RPS6KC1: variants seen among roughly 807,000 people sequenced by gnomAD.
The protein encoded by RPS6KC1 is inactive ribosomal protein S6 kinase delta-1.
A neutral mutation model predicts 103.8 loss-of-function variants in RPS6KC1; 54 were observed. The ratio of observed to expected loss-of-function variants is 0.52; its 90% CI spans 0.42 to 0.65. The LOEUF (loss-of-function observed/expected upper bound fraction) is 0.65, where lower values mean the gene tolerates loss of function less well. RPS6KC1 is among the 30% of genes least tolerant of loss of function. RPS6KC1 has a pLI of 0.00. For synonymous variants in RPS6KC1, 439 were observed against 438.7 expected (o/e 1.00, Z -0.01); for missense variants, 1,151 against 1,253.8 (o/e 0.92, Z 1.24).
the RPS6KC1 span, among the ~76,000 whole-genome samples, chr1:213,297,590 A>G: frequency 6.6e-6 from 1 of 152,194 alleles, no homozygotes; most frequent in South Asian, 2.1e-4. Context: ...GTAAGTATAC[A>G]TACCTAGAAA....
At chr1:213,190,009 T>C (rs1471901270) in intron 8 of RPS6KC1, among the ~76,000 whole-genome samples, 1 of 152,236 alleles carries the variant, frequency 6.6e-6, no homozygotes, top group African/African-American at 2.4e-5. Context: ...GCCTGAATAG[T>C]ACTTCATTTT....
chr1:213,662,217 T>C, the RPS6KC1 span, among the ~76,000 whole-genome samples: 4 of 67,850 alleles, frequency 5.9e-5, no homozygotes, highest in Non-Finnish European at 1.3e-4. Context: ...GCTTAGCCTG[T>C]GTGCCTAGAA....
the RPS6KC1 span, among the ~76,000 whole-genome samples, chr1:213,374,158 T>C: frequency 3.0e-4 from 45 of 152,356 alleles, no homozygotes; most frequent in East Asian, 6.2e-3. Context: ...ATGTATCAAT[T>C]TCTCTATTTA....
rs549270183 is a variant in RPS6KC1, at chr1:213,184,912, C to A, written c.1044+8420C>A. 2.0e-5 allele frequency among the ~76,000 whole-genome samples: 3 copies of A among 152,192 alleles called. No individual in the cohort carries two copies. In the East Asian group the frequency reaches 5.8e-4, roughly 29 times the overall value. On this transcript the variant is annotated intron_variant, in intron 8 of 14. Coordinates refer to ENST00000366960, the MANE Select transcript of RPS6KC1 (RefSeq NM_012424.6). ...CTTGTTTTATGGCCTATTTTGTGGT[C>A]TGTTCTACAGAATGTACCATGTGCT...
At chr1:213,109,171 C>T (rs2082769833) in intron 4 of RPS6KC1, among the ~76,000 whole-genome samples, 1 of 151,940 alleles carries the variant, frequency 6.6e-6, no homozygotes, top group Non-Finnish European at 1.5e-5. Context: ...GGGTCTCGCT[C>T]TGTTGCCCAG....
At chr1:213,555,502 A>G in the RPS6KC1 span, among the ~76,000 whole-genome samples, 1 of 152,120 alleles carries the variant, frequency 6.6e-6, no homozygotes, top group Non-Finnish European at 1.5e-5. Context: ...CCACTCTGTC[A>G]CTCAGGCTGG....
chr1:213,256,040 T>C (rs942638653), intron 12 of RPS6KC1, among the ~76,000 whole-genome samples: 1 of 141,104 alleles, frequency 7.1e-6, no homozygotes. Flanking sequence ...TCTTTTCTGG[T>C]TTCCATGAAA....
At chr1:213,149,541 T>G (rs1016071125) in intron 6 of RPS6KC1, among the ~76,000 whole-genome samples, 3 of 152,254 alleles carry the variant, frequency 2.0e-5, no homozygotes, top group Non-Finnish European at 4.4e-5. Flanking sequence ...GTTGAATGTT[T>G]TAAAACTTGT....
At chr1:213,150,142 A>G (rs980282549) in intron 6 of RPS6KC1, among the ~76,000 whole-genome samples, 5 of 151,972 alleles carry the variant, frequency 3.3e-5, no homozygotes, top group South Asian at 2.1e-4. Flanking sequence ...TTTGCATTCA[A>G]TGTTATTATT....
the RPS6KC1 span, among the ~76,000 whole-genome samples, chr1:213,397,936 G>C: frequency 6.6e-6 from 1 of 152,318 alleles, no homozygotes; most frequent in Admixed American, 6.5e-5. Context: ...GGAGACAGAA[G>C]GGCCTGGGCA....
intron 8 of RPS6KC1, among the ~76,000 whole-genome samples, chr1:213,209,546 T>A (rs1294883548): frequency 6.6e-6 from 1 of 151,384 alleles, no homozygotes; most frequent in Non-Finnish European, 1.5e-5. Context: ...AAATACAAAA[T>A]TAGCTTGGTG....
chr1:213,102,729 T>A (rs1284521824), intron 3 of RPS6KC1, among the ~76,000 whole-genome samples: 1 of 152,216 alleles, frequency 6.6e-6, no homozygotes. Context: ...TGACTGCTAC[T>A]TGCCTGCTGA....
intron 12 of RPS6KC1, among the ~76,000 whole-genome samples, chr1:213,259,693 TACAA>T (rs2094733664): frequency 6.6e-6 from 1 of 151,868 alleles, no homozygotes; most frequent in South Asian, 2.1e-4. Flanking sequence ...TGTTTATATA[TACAA>T]ACATTCACTT....
chr1:213,526,530 G>A, the RPS6KC1 span, among the ~76,000 whole-genome samples: 5 of 152,262 alleles, frequency 3.3e-5, no homozygotes, highest in South Asian at 2.1e-4. Flanking sequence ...CAAGTATAGC[G>A]GAGGGAGATT....
At chr1:213,336,585 TTATA>T in the RPS6KC1 span, among the ~76,000 whole-genome samples, 1 of 152,208 alleles carries the variant, frequency 6.6e-6, no homozygotes, top group African/African-American at 2.4e-5. Flanking sequence ...GTTTGGCTCT[TTATA>T]TATTCATAAA....
At chr1:213,551,506 T>G in the RPS6KC1 span, among the ~76,000 whole-genome samples, 1 of 152,018 alleles carries the variant, frequency 6.6e-6, no homozygotes, top group African/African-American at 2.4e-5. Context: ...GGACTTCCTG[T>G]GTTCTACACT....
the RPS6KC1 span, among the ~76,000 whole-genome samples, chr1:213,344,692 G>C: frequency 6.6e-6 from 1 of 152,062 alleles, no homozygotes; most frequent in East Asian, 1.9e-4. Flanking sequence ...GCACCACCAC[G>C]CCTGGCTAAT....
At chr1:213,076,427 A>G (rs2079341930) in intron 2 of RPS6KC1, among the ~76,000 whole-genome samples, 1 of 152,196 alleles carries the variant, frequency 6.6e-6, no homozygotes, top group South Asian at 2.1e-4. Context: ...GCTCATTAGC[A>G]TTATACTCTA....
intron 5 of RPS6KC1, among the ~76,000 whole-genome samples, chr1:213,128,504 C>G (rs2085243777): frequency 6.6e-6 from 1 of 152,094 alleles, no homozygotes; most frequent in Admixed American, 6.6e-5. Context: ...AGCAGAAAGT[C>G]TGATATGTAT....
Sources: allele counts gnomAD v4.1 joint callset (sites outside exome capture counted in the v4.1 genomes callset), GRCh38; gene constraint gnomAD v4.1.1; transcripts MANE v1.5; gene names NCBI Gene and HGNC (gene_info 2026-07-23, HGNC 2026-07-21).